POU2F1: variants seen among roughly 807,000 people sequenced by gnomAD.
POU2F1 encodes the protein POU class 2 homeobox 1.
Under a neutral mutation model 84.9 loss-of-function variants are expected in POU2F1, and 16 were observed. That is an observed-to-expected ratio of 0.19 (90% CI 0.13 to 0.29). The LOEUF (loss-of-function observed/expected upper bound fraction) is 0.29, where lower values mean the gene tolerates loss of function less well. Among genes scored for constraint, POU2F1 ranks in the 10% least tolerant of loss-of-function variants. POU2F1 has a pLI of 1.00. For synonymous variants in POU2F1, 368 were observed against 368.3 expected, an observed-to-expected ratio of 1.00 and a Z score of 0.01; for missense variants, 738 against 942.6, an observed-to-expected ratio of 0.78 and a Z score of 2.84.
At chr1:167,245,530 C>T (rs11578429) in intron 1 of POU2F1, among the ~76,000 whole-genome samples, 2,530 of 151,892 alleles carry the variant, frequency 0.017, 38 homozygotes, top group Middle Eastern at 0.048. Flanking sequence ...TCTCCTGCCT[C>T]AGGCTCCCGA....
intron 7 of POU2F1, 84 bp from the exon 8 acceptor site, chr1:167,383,773 G>A (rs1264318205): frequency 8.1e-7 from 1 of 1,230,268 alleles, no homozygotes; most frequent in Non-Finnish European, 1.2e-6. Context: ...GAAATTTTCA[G>A]CTCATTTTCT....
chr1:167,278,152 A>G (rs1396224350), intron 1 of POU2F1, among the ~76,000 whole-genome samples: 1 of 152,208 alleles, frequency 6.6e-6, no homozygotes, highest in Non-Finnish European at 1.5e-5. Flanking sequence ...CACTTGAGCC[A>G]CTGAGACTTT....
intron 8 of POU2F1, among the ~76,000 whole-genome samples, chr1:167,384,628 G>T (rs1467181536): frequency 6.6e-6 from 1 of 151,228 alleles, no homozygotes; most frequent in Non-Finnish European, 1.5e-5. Flanking sequence ...TACCAGATTT[G>T]ACAGAATTCA....
rs772653321 is a variant in POU2F1, at chr1:167,365,417, T to C, written c.128-50T>C. On this transcript the variant is annotated intron_variant, in intron 2 of 15. Coordinates refer to ENST00000367866, the MANE Select transcript of POU2F1 (RefSeq NM_002697.4). ...TGTTGGTAACTGAAATCTAGTGCTTTATTTCATTTATTTCTTTTAATAGTT... is the reference window on the plus strand; with the variant it reads ...TGTTGGTAACTGAAATCTAGTGCTTCATTTCATTTATTTCTTTTAATAGTT... The C allele has an allele frequency of 3.7e-6, 5 of 1,360,840 alleles. No individual in the cohort carries two copies. In the African/African-American group the frequency reaches 5.9e-5, roughly 16 times the overall value. 84.3% of individuals were successfully genotyped at this position (1,360,840 alleles called of 1,614,324 possible).
At chr1:167,391,368 A>G (rs1648386931) in intron 9 of POU2F1, among the ~76,000 whole-genome samples, 1 of 152,026 alleles carries the variant, frequency 6.6e-6, no homozygotes, top group South Asian at 2.1e-4. Flanking sequence ...AATCAGGAGA[A>G]ATCTGTTATT....
At position 167,423,087 on chromosome 1, in the gene POU2F1, C is replaced by T. The variant is rs1650739768; in HGVS notation, c.*7277C>T. On this transcript the variant is annotated 3_prime_UTR_variant, in exon 16 of 16. Coordinates refer to ENST00000367866, the MANE Select transcript of POU2F1 (RefSeq NM_002697.4). ...CTAATACTTTTAAATAGAACCAACA[C>T]AGCCTATATGAGTTCAGACAATATT... The T allele has an allele frequency of 6.6e-6, 1 of 152,182 alleles. No individual in the cohort carries two copies. Among genetic ancestry groups the T allele is most frequent in the South Asian group, 2.1e-4 (1 of 4,830 alleles). The allele number at this position is 152,182 out of a possible 1,614,324, so 9.4% of individuals were successfully genotyped here. A position where few individuals can be genotyped will look rare whatever the true frequency, so the allele number is the denominator to read the frequency against.
chr1:167,294,971 T>C (rs1188566517), intron 1 of POU2F1, among the ~76,000 whole-genome samples: 1 of 151,892 alleles, frequency 6.6e-6, no homozygotes, highest in Non-Finnish European at 1.5e-5. Flanking sequence ...CCATCTCTAC[T>C]AAAAATACAA....
chr1:167,296,301 T>A (rs1260847468), intron 1 of POU2F1, among the ~76,000 whole-genome samples: 1 of 152,198 alleles, frequency 6.6e-6, no homozygotes, highest in Non-Finnish European at 1.5e-5. Flanking sequence ...TCATCACAAC[T>A]TAGAACTTTC....
intron 1 of POU2F1, among the ~76,000 whole-genome samples, chr1:167,230,113 C>CCTGAG (rs1163066819): frequency 6.6e-6 from 1 of 152,154 alleles, no homozygotes; most frequent in East Asian, 1.9e-4. Flanking sequence ...CTGAGACTTA[C>CCTGAG]CTGAGCCTTT....
At chr1:167,266,899 G>C (rs1375618878) in intron 1 of POU2F1, among the ~76,000 whole-genome samples, 1 of 152,010 alleles carries the variant, frequency 6.6e-6, no homozygotes, top group African/African-American at 2.4e-5. Flanking sequence ...TGGGATTACC[G>C]GCGTGAGACA....
At chr1:167,310,351 G>T (rs867697012) in intron 1 of POU2F1, among the ~76,000 whole-genome samples, 1 of 152,100 alleles carries the variant, frequency 6.6e-6, no homozygotes. Flanking sequence ...TAGTAAATGG[G>T]TTAAACAAAC....
intron 1 of POU2F1, 51 bp from the exon 2 acceptor site, chr1:167,332,419 A>G: frequency 1.4e-6 from 2 of 1,456,848 alleles, no homozygotes; most frequent in Non-Finnish European, 1.9e-6. Context: ...CCTCAATCCC[A>G]TCTCCATCCC....
At chr1:167,302,266 CTT>C (rs964368454) in intron 1 of POU2F1, among the ~76,000 whole-genome samples, 8 of 143,506 alleles carry the variant, frequency 5.6e-5, no homozygotes, top group African/African-American at 5.1e-5. Context: ...TTTTTCTTTT[CTT>C]TTTTTTTTTT....
chr1:167,350,673 CAAAAAAAAAA>C (rs56240224), intron 2 of POU2F1, among the ~76,000 whole-genome samples: 1 of 58,730 alleles, frequency 1.7e-5, no homozygotes, highest in Non-Finnish European at 3.8e-5. Flanking sequence ...GACTCCATCT[CAAAAAAAAAA>C]AAAAAAAGAA....
intron 1 of POU2F1, among the ~76,000 whole-genome samples, chr1:167,305,185 T>C (rs1335137040): frequency 6.6e-6 from 1 of 151,652 alleles, no homozygotes; most frequent in African/African-American, 2.4e-5. Flanking sequence ...ACAGAGAATG[T>C]AGGCAATTTT....
chr1:167,357,140 C>G (rs1658991349), intron 2 of POU2F1, among the ~76,000 whole-genome samples: 1 of 152,112 alleles, frequency 6.6e-6, no homozygotes, highest in Admixed American at 6.5e-5. Context: ...AGACCATCAC[C>G]CGACATTCCT....
chr1:167,311,929 G>A (rs574020356), intron 1 of POU2F1, among the ~76,000 whole-genome samples: 6 of 151,122 alleles, frequency 4.0e-5, no homozygotes, highest in East Asian at 2.0e-4. Flanking sequence ...ACCAAGCGTG[G>A]CTAATTTTTT....
rs774001310 is a variant in POU2F1, at chr1:167,374,198, G to A, written c.493G>A (p.Ala165Thr). ...LLAAAVQQHS[A>T]SQQHSAAGAT... ...GGCTGCTGCAGTGCAGCAGCACTCC[G>A]CCAGCCAGCAGCACAGTGCTGCTGG... Residue 165 changes from alanine (A) to threonine (T), a missense_variant, in exon 6 of 16, where the codon GCC becomes ACC. By Grantham distance (58) the Ala-to-Thr change is moderately conservative. This residue lies in a region of POU2F1 where 163 missense variants were observed against 214.4 expected (regional missense o/e 0.76). Transcript: ENST00000367866. 10 of 1,608,490 alleles carry A rather than the reference G, an allele frequency of 6.2e-6. No individual in the cohort carries two copies. Among genetic ancestry groups the A allele is most frequent in the East Asian group, 2.2e-5 (1 of 44,502 alleles).
At chr1:167,268,079 A>G (rs1328709758) in intron 1 of POU2F1, among the ~76,000 whole-genome samples, 2 of 152,172 alleles carry the variant, frequency 1.3e-5, no homozygotes, top group Non-Finnish European at 2.9e-5. Flanking sequence ...CAGCTGGGAA[A>G]TCACTTAGAT....
Sources: gnomAD v4.1 joint callset for allele counts (sites outside exome capture counted in the v4.1 genomes callset) on GRCh38, gnomAD v4.1.1 for gene constraint, gnomAD v4.1.1 regional missense constraint, MANE v1.5 for transcripts, NCBI Gene and HGNC (gene_info 2026-07-23, HGNC 2026-07-21) for gene names.